The following TEX26 variants were observed in gnomAD, a reference collection of about 807,000 sequenced individuals.
TEX26 encodes the protein testis-expressed protein 26.
A neutral mutation model predicts 35.3 loss-of-function variants in TEX26; 34 were observed. That is an observed-to-expected ratio of 0.96 (90% CI 0.73 to 1.28). The LOEUF is 1.28. Ranked by LOEUF, TEX26 falls within the 50% of genes most tolerant of loss-of-function variation. The pLI is 0.00. For missense variants in TEX26, 371 were observed against 330.1 expected (o/e 1.12, Z -0.96); for synonymous variants, 136 against 111.8 (o/e 1.22, Z -1.36).
At chr13:30,963,816 C>G (rs1954434367) in intron 4 of TEX26, among the ~76,000 whole-genome samples, 1 of 152,130 alleles carries the variant, frequency 6.6e-6, no homozygotes, top group African/African-American at 2.4e-5. Context: ...TCACCACATT[C>G]CCTGTTCATT....
chr13:30,959,244 A>C (rs1483782490), intron 4 of TEX26, among the ~76,000 whole-genome samples: 1 of 152,228 alleles, frequency 6.6e-6, no homozygotes, highest in Non-Finnish European at 1.5e-5. Context: ...AAGAAACAAC[A>C]GTAGTTCCTT....
chr13:30,965,279 A>G (rs1246467663), intron 4 of TEX26, among the ~76,000 whole-genome samples: 2 of 152,350 alleles, frequency 1.3e-5, no homozygotes, highest in Admixed American at 1.3e-4. Flanking sequence ...CAGTAGATGC[A>G]ATTATGTATC....
At chr13:30,970,520 C>T (rs1954678546) in intron 6 of TEX26, among the ~76,000 whole-genome samples, 1 of 152,154 alleles carries the variant, frequency 6.6e-6, no homozygotes, top group African/African-American at 2.4e-5. Flanking sequence ...TCAAGTCAGC[C>T]TGCCTGTTCT....
At chr13:30,941,970 A>T (rs1310684365) in intron 2 of TEX26, among the ~76,000 whole-genome samples, 2 of 152,168 alleles carry the variant, frequency 1.3e-5, no homozygotes, top group African/African-American at 4.8e-5. Flanking sequence ...TGTGGTAAAC[A>T]TACATGTACA....
intron 6 of TEX26, among the ~76,000 whole-genome samples, chr13:30,969,954 A>G (rs1954660649): frequency 6.6e-6 from 1 of 152,032 alleles, no homozygotes; most frequent in African/African-American, 2.4e-5. Context: ...GTGCCCTGTG[A>G]TGAGGTTGGG....
intron 2 of TEX26, among the ~76,000 whole-genome samples, chr13:30,948,688 G>A (rs976533012): frequency 6.6e-6 from 1 of 152,090 alleles, no homozygotes; most frequent in Non-Finnish European, 1.5e-5. Flanking sequence ...CATTCTGTAG[G>A]TTGCCTGTTC....
At chr13:30,947,216 T>C (rs1422036203) in intron 2 of TEX26, among the ~76,000 whole-genome samples, 1 of 152,188 alleles carries the variant, frequency 6.6e-6, no homozygotes, top group Non-Finnish European at 1.5e-5. Context: ...TGCAACTGCA[T>C]CTTAATGAGA....
chr13:30,964,408 T>G (rs1434447058), intron 4 of TEX26, among the ~76,000 whole-genome samples: 1 of 152,198 alleles, frequency 6.6e-6, no homozygotes, highest in African/African-American at 2.4e-5. Flanking sequence ...TGTAGATATC[T>G]TTGTATTCAC....
intron 5 of TEX26, among the ~76,000 whole-genome samples, chr13:30,967,683 G>C (rs1178673439): frequency 6.6e-6 from 1 of 152,176 alleles, no homozygotes; most frequent in African/African-American, 2.4e-5. Context: ...GGAGCTGGAA[G>C]GTGTTCTTAA....
intron 4 of TEX26, among the ~76,000 whole-genome samples, chr13:30,962,494 G>A (rs527370436): frequency 2.0e-5 from 3 of 152,248 alleles, no homozygotes; most frequent in African/African-American, 4.8e-5. Flanking sequence ...TGTACGCCTC[G>A]CCTCTCTTCT....
chr13:30,937,520 C>T (rs568624971), intron 1 of TEX26, among the ~76,000 whole-genome samples: 15 of 65,418 alleles, frequency 2.3e-4, no homozygotes, highest in Non-Finnish European at 4.3e-4. Context: ...GCTTCTTTTA[C>T]GAGTGGCATG....
At chr13:30,974,131 A>AAAATATATATATATATATATATATAT in intron 6 of TEX26, among the ~76,000 whole-genome samples, 18 of 84,408 alleles carry the variant, frequency 2.1e-4, no homozygotes, top group South Asian at 4.8e-4. Context: ...AAAAAAAAAA[A>AAAATATATATATATATATATATATAT]ATATATATAT....
In TEX26 at chr13:30,968,969, A is replaced by G; in HGVS notation, c.731A>G (p.Tyr244Cys). The change falls in exon 6 of 7, where the codon TAC (tyrosine) becomes TGC (cysteine). Residue 244 changes from tyrosine (Y) to cysteine (C), a missense_variant. Tyr to Cys is a radical substitution (Grantham distance 194, BLOSUM62 -2). Transcript: ENST00000380473. ...TACCAAAGTGACTACGACAAAACCT[A>G]CCCAGATTTCTTAATGCTTTTAAAC... ...TTYQSDYDKT[Y>C]PDFLMLLNSF... 2 of 1,613,986 alleles carry G rather than the reference A, an allele frequency of 1.2e-6. No homozygotes were observed. The highest frequency in any genetic ancestry group is 1.7e-5 in the Admixed American group (1 of 60,012).
chr13:30,974,119 T>TAA (rs747590592), intron 6 of TEX26, among the ~76,000 whole-genome samples: 1,191 of 74,316 alleles, frequency 0.016, 30 homozygotes, highest in African/African-American at 0.03. Context: ...AGCCTCCATC[T>TAA]AAAAAAAAAA....
At chr13:30,944,287 T>TG (rs1953620295) in intron 2 of TEX26, among the ~76,000 whole-genome samples, 1 of 152,006 alleles carries the variant, frequency 6.6e-6, no homozygotes, top group African/African-American at 2.4e-5. Context: ...CATAATTCTG[T>TG]GGTGTCAGTT....
chr13:30,946,852 A>C (rs567157828), intron 2 of TEX26, among the ~76,000 whole-genome samples: 1 of 152,234 alleles, frequency 6.6e-6, no homozygotes, highest in East Asian at 1.9e-4. Flanking sequence ...AAACCAATGA[A>C]TACTCTGAAT....
At chr13:30,955,745 G>A (rs1320064358) in intron 3 of TEX26, among the ~76,000 whole-genome samples, 1 of 152,204 alleles carries the variant, frequency 6.6e-6, no homozygotes, top group Non-Finnish European at 1.5e-5. Flanking sequence ...AAGGACTGTT[G>A]GAGCGATTTG....
chr13:30,936,652 G>C (rs761139749), intron 1 of TEX26: 91 of 981,650 alleles, frequency 9.3e-5, no homozygotes, highest in Admixed American at 1.2e-4. Context: ...CTCTTGGCCT[G>C]TGAGTTCTCC....
Position 30,968,952 on chromosome 13 carries a change from T to A in TEX26, c.714T>A (p.Ser238Arg), listed in dbSNP as rs764847638. 4 of 1,614,068 alleles carry A rather than the reference T, an allele frequency of 2.5e-6. No homozygotes were observed. Among genetic ancestry groups the A allele is most frequent in the African/African-American group, 1.3e-5 (1 of 75,010 alleles). The change falls in exon 6 of 7, where the codon AGT becomes AGA. Residue 238 changes from serine (S) to arginine (R), a missense_variant. By Grantham distance (110) the Ser-to-Arg change is moderately radical (BLOSUM62 -1). Transcript: ENST00000380473. ...CAAAGAAACAGACCACATACCAAAG[T>A]GACTACGACAAAACCTACCCAGATT... ...EHTKKQTTYQ[S>R]DYDKTYPDFL... is the part of the protein sequence containing the mutation.
Sources: gnomAD v4.1 joint callset for allele counts (sites outside exome capture counted in the v4.1 genomes callset) on GRCh38, gnomAD v4.1.1 for gene constraint, MANE v1.5 for transcripts, NCBI Gene and HGNC (gene_info 2026-07-23, HGNC 2026-07-21) for gene names.